The following INTS4 variants were observed in gnomAD, a reference collection of about 807,000 sequenced individuals.
The protein encoded by INTS4 is MSTP093.
In INTS4, 70 loss-of-function variants were observed where a neutral mutation model predicts 119.5. That is an observed-to-expected ratio of 0.59 (90% CI 0.48 to 0.71). The LOEUF (loss-of-function observed/expected upper bound fraction) is 0.71, where lower values mean the gene tolerates loss of function less well. Among genes scored for constraint, INTS4 ranks in the 30% least tolerant of loss-of-function variants. INTS4 has a pLI of 0.00. For missense variants in INTS4, 867 were observed against 1,173.2 expected, an observed-to-expected ratio of 0.74 and a Z score of 3.81; for synonymous variants, 316 against 419.6, an observed-to-expected ratio of 0.75 and a Z score of 3.02.
At chr11:77,875,146 C>T (rs974001476), downstream of INTS4, among the ~76,000 whole-genome samples, 1 of 152,152 alleles carries the variant, frequency 6.6e-6, no homozygotes, top group South Asian at 2.1e-4. Flanking sequence ...ATATAAAGTC[C>T]TTTCAGAAAC....
chr11:77,880,217 A>T lies in INTS4; in HGVS notation c.2714-1090T>A, dbSNP rs574350754. ...TTCAGAGGGTAGGAATGAAGGCTAGATGGATCTAAATTAACAAGGGCAGAG... is the reference window on the plus strand; with the variant it reads ...TTCAGAGGGTAGGAATGAAGGCTAGTTGGATCTAAATTAACAAGGGCAGAG... On this transcript the variant is annotated intron_variant, in intron 22 of 22. Coordinates refer to ENST00000534064, the MANE Select transcript of INTS4 (RefSeq NM_033547.4). Among the ~76,000 whole-genome samples the T allele has an allele frequency of 5.9e-5, 9 of 152,286 alleles. No homozygotes were observed. The East Asian group carries it at 1.7e-3, about 29-fold the overall frequency.
intron 4 of INTS4, among the ~76,000 whole-genome samples, chr11:77,968,019 G>A (rs1855569113): frequency 6.6e-6 from 1 of 152,110 alleles, no homozygotes; most frequent in Non-Finnish European, 1.5e-5. Context: ...AATGCTCCTA[G>A]GCTATAAACC....
At chr11:77,940,207 T>C (rs1455511575) in intron 9 of INTS4, among the ~76,000 whole-genome samples, 1 of 151,984 alleles carries the variant, frequency 6.6e-6, no homozygotes, top group Non-Finnish European at 1.5e-5. Context: ...GGCAAGAAGA[T>C]TGCCTGGGCT....
chr11:77,977,678 AAT>A (rs1484104372), intron 4 of INTS4, among the ~76,000 whole-genome samples: 1 of 150,562 alleles, frequency 6.6e-6, no homozygotes. Flanking sequence ...TATAATAAAA[AAT>A]ATATTTAAGT....
chr11:77,961,028 T>G lies in INTS4; in HGVS notation c.582A>C (p.Arg194Ser). Residue 194 changes from arginine (R) to serine (S), a missense_variant, in exon 5 of 23, where the codon AGA (arginine) becomes AGC (serine). By Grantham distance (110) the Arg-to-Ser change is moderately radical (BLOSUM62 -1). Coordinates refer to ENST00000534064, the MANE Select transcript of INTS4 (RefSeq NM_033547.4). ...AATCCCCTATAATCTTCTGGACATCTCTGGCAGCTAGGCCTTCTGCATCTT... is the reference window on the plus strand; with the variant it reads ...AATCCCCTATAATCTTCTGGACATCGCTGGCAGCTAGGCCTTCTGCATCTT... ...VTKDAEGLAA[R>S]DVQKIIGDYF... 2 of 1,613,802 alleles carry G rather than the reference T, an allele frequency of 1.2e-6. No individual in the cohort carries two copies. The highest frequency in any genetic ancestry group is 2.2e-5 in the South Asian group (2 of 91,062).
intron 3 of INTS4, among the ~76,000 whole-genome samples, chr11:77,980,660 T>C (rs1400614866): frequency 1.3e-5 from 2 of 152,324 alleles, no homozygotes; most frequent in Non-Finnish European, 2.9e-5. Context: ...ATTACAGGCC[T>C]AGCCTAACCT....
intron 7 of INTS4, among the ~76,000 whole-genome samples, chr11:77,957,531 C>T (rs948243791): frequency 6.6e-6 from 1 of 150,424 alleles, no homozygotes; most frequent in African/African-American, 2.4e-5. Flanking sequence ...GCCTGGGCCA[C>T]AGAGCAAGAC....
chr11:77,981,389 G>T, intron 3 of INTS4, 70 bp downstream of exon 3: 2 of 659,140 alleles, frequency 3.0e-6, no homozygotes, highest in Non-Finnish European at 4.8e-6. Flanking sequence ...ACAAAATTTT[G>T]TCCTAAATTC....
downstream of INTS4, among the ~76,000 whole-genome samples, chr11:77,876,365 G>T (rs1466894503): frequency 1.3e-5 from 2 of 151,524 alleles, no homozygotes; most frequent in African/African-American, 4.9e-5. Context: ...ACACTGGAGT[G>T]CTCTTTATGC....
At chr11:77,875,580 G>A (rs560550328), downstream of INTS4, among the ~76,000 whole-genome samples, 122 of 152,262 alleles carry the variant, frequency 8.0e-4, 1 homozygote, top group African/African-American at 2.8e-3. Flanking sequence ...TCCAATTGCT[G>A]TTATCTTCTA....
intron 8 of INTS4, among the ~76,000 whole-genome samples, chr11:77,944,301 C>T (rs1047439649): frequency 3.3e-5 from 5 of 152,202 alleles, no homozygotes; most frequent in Non-Finnish European, 7.3e-5. Context: ...TACCTCGTTA[C>T]AGATCCCCTA....
chr11:77,959,925 G>A (rs1954423593), intron 6 of INTS4, among the ~76,000 whole-genome samples: 1 of 151,956 alleles, frequency 6.6e-6, no homozygotes, highest in Admixed American at 6.6e-5. Context: ...ACATGCATGT[G>A]ACTTTTTTTT....
chr11:77,906,467 A>G (rs562793663), intron 16 of INTS4, among the ~76,000 whole-genome samples: 175 of 152,332 alleles, frequency 1.1e-3, no homozygotes, highest in African/African-American at 4.0e-3. Context: ...CTACTATAGA[A>G]AAGTGGATTC....
intron 10 of INTS4, among the ~76,000 whole-genome samples, chr11:77,932,321 G>A (rs915956603): frequency 5.9e-5 from 9 of 152,144 alleles, no homozygotes; most frequent in Non-Finnish European, 1.3e-4. Context: ...CTTCTCAAAA[G>A]AAGACATTTA....
intron 8 of INTS4, among the ~76,000 whole-genome samples, chr11:77,953,048 TTAACTC>T (rs1243472130): frequency 6.6e-5 from 10 of 152,212 alleles, no homozygotes; most frequent in African/African-American, 2.4e-4. Flanking sequence ...GCTGGCTTGT[TTAACTC>T]TACTATGCAC....
In INTS4 at chr11:77,926,380, G is replaced by A. The variant is rs187869561; in HGVS notation, c.1372-1488C>T. Among the ~76,000 whole-genome samples the A allele has an allele frequency of 4.5e-3, 690 of 152,246 alleles. 9 individuals are homozygous for A. Among genetic ancestry groups the A allele is most frequent in the African/African-American group, 0.015 (643 of 41,544 alleles). ...GATTCTTTGTGAGTTATATACATAA[G>A]TACTCACAAATAAGCATACCTGTGA... On this transcript the variant is annotated intron_variant, in intron 11 of 22. Transcript: ENST00000534064.
chr11:77,987,754 G>A (rs1856513030), intron 2 of INTS4: 11 of 408,242 alleles, frequency 2.7e-5, no homozygotes, highest in South Asian at 1.9e-4. Flanking sequence ...TGTGCCTGTG[G>A]TCCCAGCTCC....
At chr11:77,935,439 G>A (rs1489830962) in intron 10 of INTS4, among the ~76,000 whole-genome samples, 1 of 152,212 alleles carries the variant, frequency 6.6e-6, no homozygotes, top group Admixed American at 6.5e-5. Flanking sequence ...TACACAGAGA[G>A]ACAGAGAGCT....
At chr11:77,971,951 G>A (rs546628573) in intron 4 of INTS4, among the ~76,000 whole-genome samples, 1 of 152,126 alleles carries the variant, frequency 6.6e-6, no homozygotes, top group South Asian at 2.1e-4. Flanking sequence ...ATGGTGTGAG[G>A]TAAGTTTCCA....
Sources: allele counts gnomAD v4.1 joint callset (sites outside exome capture counted in the v4.1 genomes callset), GRCh38; gene constraint gnomAD v4.1.1; transcripts MANE v1.5; gene names NCBI Gene and HGNC (gene_info 2026-07-23, HGNC 2026-07-21).